Variants in ERMP1 observed in about 807,000 individuals in gnomAD.
ERMP1 encodes the protein Felix-ina.
A neutral mutation model predicts 92.0 loss-of-function variants in ERMP1; 86 were observed. The observed-to-expected ratio is 0.93, with a 90% CI of 0.79 to 1.12. The LOEUF is 1.12. Ranked by LOEUF, ERMP1 falls within the 50% of genes most tolerant of loss-of-function variation. ERMP1 has a pLI of 0.00. For synonymous variants in ERMP1, 530 were observed against 412.8 expected (o/e 1.28, Z -3.44); for missense variants, 1,342 against 1,116.3 (o/e 1.20, Z -2.88).
At chr9:5,843,219 T>G (rs1214497432) in intron 6 of ERMP1, among the ~76,000 whole-genome samples, 1 of 152,234 alleles carries the variant, frequency 6.6e-6, no homozygotes, top group Non-Finnish European at 1.5e-5. Context: ...TGGCTCCACC[T>G]AAATCAGTAA....
Position 5,797,800 on chromosome 9 carries a change from A to G in ERMP1, c.2386+17T>C. Reference sequence around the variant, plus strand: ...TAAGAAATAAAGGAGGGGAGAAAAAACTATTATATGACTTACCTGTTGCTT... The same window carrying G: ...TAAGAAATAAAGGAGGGGAGAAAAAGCTATTATATGACTTACCTGTTGCTT... On this transcript the variant is annotated intron_variant, in intron 13 of 14. Coordinates refer to ENST00000339450, the MANE Select transcript of ERMP1 (RefSeq NM_024896.3). 1.4e-6 allele frequency: 2 copies of G among 1,470,996 alleles called. No individual in the cohort carries two copies. The highest frequency in any genetic ancestry group is 1.9e-6 in the Non-Finnish European group (2 of 1,067,970). The allele number at this position is 1,470,996 out of a possible 1,614,324, so 91.1% of individuals were successfully genotyped here.
rs889807526 is a variant in ERMP1, at chr9:5,863,498, G to T, written n.3056-3887C>A. Among the ~76,000 whole-genome samples, 3 of 152,312 alleles carry T rather than the reference G, an allele frequency of 2.0e-5. No homozygotes were observed. The South Asian group carries it at 6.2e-4, about 32-fold the overall frequency. ...GGCAAAGCCTGCCCTACCCAGTGGT[G>T]ACAATAATGAGGGTGTGTCCAGCTG... On this transcript the variant is annotated intron_variant and non_coding_transcript_variant, in intron 5 of 6. Transcript: ENST00000690753.
At chr9:5,847,712 G>A (rs926084040) in intron 6 of ERMP1, among the ~76,000 whole-genome samples, 11 of 151,916 alleles carry the variant, frequency 7.2e-5, no homozygotes, top group Non-Finnish European at 1.3e-4. Context: ...TGGCTAACAC[G>A]GTAAAACCCT....
Position 5,786,502 on chromosome 9 carries a change from CTG to C in ERMP1, c.*640_*641del, listed in dbSNP as rs963585148. 1 of 152,470 alleles carries C rather than the reference CTG, an allele frequency of 6.6e-6. No individual in the cohort carries two copies. The highest frequency in any genetic ancestry group is 1.5e-5 in the Non-Finnish European group (1 of 68,208). The allele number at this position is 152,470 out of a possible 1,614,324, so 9.4% of individuals were successfully genotyped here. On this transcript the variant is annotated 3_prime_UTR_variant, in exon 15 of 15. Coordinates refer to ENST00000339450, the MANE Select transcript of ERMP1 (RefSeq NM_024896.3). ...TCAGGAAAGCAGCACAGCAGTGCAT[CTG>C]TGTGTCCACTTGTCAGGACAGTGAG... is the stretch of plus-strand genomic sequence containing the variant.
At chr9:5,799,104 G>T in intron 11 of ERMP1, 96 bp from the exon 12 acceptor site, 3 of 797,194 alleles carry the variant, frequency 3.8e-6, no homozygotes, top group Non-Finnish European at 6.2e-6. Flanking sequence ...ACCAAGAAAT[G>T]ATGTGGATAT....
At position 5,787,275 on chromosome 9, in the gene ERMP1, C is replaced by A. The variant is rs551188786; in HGVS notation, c.2584G>T (p.Val862Leu). The change falls in exon 15 of 15, where the codon GTG (valine) becomes TTG (leucine). Residue 862 changes from valine (V) to leucine (L), a missense_variant. By Grantham distance (32) the Val-to-Leu change is conservative (BLOSUM62 1). Transcript: ENST00000339450. ...SEEHPEGMVT[V>L]AIAAHYLSGE... ...GACAGATAGTGGGCAGCAATGGCCACGGTGACCATTCCTTCAGGATGTTCT... is the reference window on the plus strand; with the variant it reads ...GACAGATAGTGGGCAGCAATGGCCAAGGTGACCATTCCTTCAGGATGTTCT... 1.9e-6 allele frequency: 3 copies of A among 1,613,684 alleles called. No homozygotes were observed. In the African/African-American group the frequency reaches 4.0e-5, roughly 22 times the overall value.
At chr9:5,842,906 A>G (rs192606227) in intron 6 of ERMP1, among the ~76,000 whole-genome samples, 1 of 152,372 alleles carries the variant, frequency 6.6e-6, no homozygotes, top group East Asian at 1.9e-4. Flanking sequence ...CTAAAGTTTT[A>G]AAAGCCTTTT....
chr9:5,798,766 G>T, intron 12 of ERMP1, 40 bp downstream of exon 12: 1 of 1,353,420 alleles, frequency 7.4e-7, no homozygotes, highest in Non-Finnish European at 1.1e-6. Context: ...GACAAGACTT[G>T]AGAACAAACT....
chr9:5,795,888 G>T (rs932802260), intron 13 of ERMP1, among the ~76,000 whole-genome samples: 1 of 152,206 alleles, frequency 6.6e-6, no homozygotes, highest in Non-Finnish European at 1.5e-5. Context: ...TAGCAAGGCT[G>T]CAGGATATGA....
Position 5,787,168 on chromosome 9 carries a change from G to A in ERMP1, c.2691C>T (p.Cys897=), listed in dbSNP as rs756345780. ...ATTAAAATACAAAGAGATCGTAGGT[G>A]CACACCCAGGCAGAGGGAAATGTCC... ...PDWTFPSAWV[C]TYDLFVF Residue 897 remains cysteine (C), a synonymous_variant, in exon 15 of 15, where the codon TGC becomes TGT. Coordinates refer to ENST00000339450, the MANE Select transcript of ERMP1 (RefSeq NM_024896.3). The A allele has an allele frequency of 5.0e-6, 8 of 1,613,826 alleles. No individual in the cohort carries two copies. The highest frequency in any genetic ancestry group is 1.3e-5 in the African/African-American group (1 of 75,042).
At chr9:5,853,980 T>C (rs1319170779) in intron 6 of ERMP1, among the ~76,000 whole-genome samples, 1 of 151,824 alleles carries the variant, frequency 6.6e-6, no homozygotes, top group African/African-American at 2.4e-5. Flanking sequence ...TTAATATTTT[T>C]ACATAAATGG....
intron 13 of ERMP1, among the ~76,000 whole-genome samples, chr9:5,796,435 T>G (rs1370646814): frequency 6.6e-6 from 1 of 152,202 alleles, no homozygotes; most frequent in Non-Finnish European, 1.5e-5. Context: ...GCAATCACAC[T>G]CCTAAGCATT....
intron 8 of ERMP1, among the ~76,000 whole-genome samples, 153 bp from the exon 9 acceptor site, chr9:5,805,938 A>T (rs1208600001): frequency 6.6e-6 from 1 of 152,236 alleles, no homozygotes; most frequent in Non-Finnish European, 1.5e-5. Flanking sequence ...ACACTAACAA[A>T]GCTACCTCCC....
chr9:5,799,755 G>A (rs917139838), intron 11 of ERMP1, among the ~76,000 whole-genome samples: 1 of 152,084 alleles, frequency 6.6e-6, no homozygotes, highest in Non-Finnish European at 1.5e-5. Context: ...GCCAACTTCT[G>A]GCACAGTGGA....
chr9:5,824,099 G>T, intron 3 of ERMP1, 98 bp from the exon 4 acceptor site: 1 of 859,200 alleles, frequency 1.2e-6, no homozygotes, highest in East Asian at 2.6e-5. Context: ...GATGAGGTAA[G>T]GAATATGAAA....
At chr9:5,788,835 A>G (rs1456917150) in intron 13 of ERMP1, among the ~76,000 whole-genome samples, 1 of 152,198 alleles carries the variant, frequency 6.6e-6, no homozygotes, top group African/African-American at 2.4e-5. Context: ...AGGAAGAATT[A>G]AAAGGACCGA....
chr9:5,848,208 G>A (rs1830262308), intron 6 of ERMP1, among the ~76,000 whole-genome samples: 1 of 152,176 alleles, frequency 6.6e-6, no homozygotes, highest in South Asian at 2.1e-4. Context: ...TTGAGATGGG[G>A]AGATTATCCC....
intron 1 of ERMP1, among the ~76,000 whole-genome samples, chr9:5,831,890 G>T (rs545039087): frequency 6.6e-6 from 1 of 152,250 alleles, no homozygotes; most frequent in South Asian, 2.1e-4. Context: ...TCCAAGTGGG[G>T]AAAGCTGGAA....
chr9:5,819,338 C>A (rs747704089), intron 4 of ERMP1, among the ~76,000 whole-genome samples: 5 of 149,512 alleles, frequency 3.3e-5, no homozygotes, highest in Non-Finnish European at 5.9e-5. Flanking sequence ...GATAACGGAG[C>A]CAGGGAAGGC....
Sources: gnomAD v4.1 joint callset for allele counts (sites outside exome capture counted in the v4.1 genomes callset) on GRCh38, gnomAD v4.1.1 for gene constraint, MANE v1.5 for transcripts, NCBI Gene and HGNC (gene_info 2026-07-23, HGNC 2026-07-21) for gene names.